Variants in RPS6KC1 observed in about 807,000 individuals in gnomAD.
RPS6KC1 encodes inactive ribosomal protein S6 kinase delta-1.
RPS6KC1 carries 54 observed loss-of-function variants against 103.8 expected under a neutral mutation model. That is an observed-to-expected ratio of 0.52 (90% confidence interval 0.42 to 0.65). The LOEUF (loss-of-function observed/expected upper bound fraction) is 0.65. Ranked by LOEUF, RPS6KC1 falls within the 30% of genes least tolerant of loss-of-function variation. RPS6KC1 has a pLI of 0.00. For synonymous variants in RPS6KC1, 439 were observed against 438.7 expected (o/e 1.00, Z -0.01); for missense variants, 1,151 against 1,253.8 (o/e 0.92, Z 1.24).
chr1:213,812,142 A>C, the RPS6KC1 span, among the ~76,000 whole-genome samples: 1 of 152,202 alleles, frequency 6.6e-6, no homozygotes, highest in African/African-American at 2.4e-5. Context: ...ACTCTCAAGA[A>C]ATTAAGAAAA....
chr1:213,620,225 A>G, the RPS6KC1 span, among the ~76,000 whole-genome samples: 1 of 152,256 alleles, frequency 6.6e-6, no homozygotes, highest in Non-Finnish European at 1.5e-5. Flanking sequence ...ATTATGGGTC[A>G]GAAATTTGGG....
At chr1:213,333,547 G>A in the RPS6KC1 span, among the ~76,000 whole-genome samples, 1 of 152,198 alleles carries the variant, frequency 6.6e-6, no homozygotes, top group Non-Finnish European at 1.5e-5. Flanking sequence ...CGTGCTTCAG[G>A]TATGGTGTAG....
chr1:213,211,664 A>G (rs2093510722), intron 8 of RPS6KC1, among the ~76,000 whole-genome samples: 1 of 152,234 alleles, frequency 6.6e-6, no homozygotes, highest in South Asian at 2.1e-4. Context: ...TGATAGGTTT[A>G]TTGTTCACTA....
the RPS6KC1 span, among the ~76,000 whole-genome samples, chr1:213,520,333 C>A: frequency 1.3e-5 from 2 of 152,170 alleles, no homozygotes; most frequent in South Asian, 2.1e-4. Context: ...AAGGGGAAAC[C>A]CCTTATAAAA....
the RPS6KC1 span, among the ~76,000 whole-genome samples, chr1:213,758,489 A>G: frequency 6.6e-5 from 10 of 152,120 alleles, no homozygotes; most frequent in African/African-American, 1.9e-4. Context: ...GAGGCAGGAG[A>G]ATCACTTGAA....
intron 12 of RPS6KC1, among the ~76,000 whole-genome samples, chr1:213,243,285 AT>A (rs56097039): frequency 0.94 from 141,832 of 150,182 alleles, 67,099 homozygotes; most frequent in East Asian, 1. Context: ...AATTAAAAAA[AT>A]TTTTTTTTTT....
chr1:213,369,708 T>C, the RPS6KC1 span, among the ~76,000 whole-genome samples: 2 of 152,242 alleles, frequency 1.3e-5, no homozygotes, highest in South Asian at 4.1e-4. Flanking sequence ...TTGCCAAATA[T>C]CTTCTCAGTT....
intron 12 of RPS6KC1, among the ~76,000 whole-genome samples, chr1:213,250,117 A>C (rs766064112): frequency 7.9e-5 from 12 of 152,316 alleles, no homozygotes; most frequent in Non-Finnish European, 1.6e-4. Flanking sequence ...TTACCTAAAA[A>C]CCAACTGAAT....
At chr1:213,401,195 C>G in the RPS6KC1 span, among the ~76,000 whole-genome samples, 10 of 152,188 alleles carry the variant, frequency 6.6e-5, no homozygotes, top group East Asian at 1.9e-3. Context: ...TGAGCATCCA[C>G]TACACAGAAG....
chr1:213,784,586 G>T, the RPS6KC1 span, among the ~76,000 whole-genome samples: 2 of 152,184 alleles, frequency 1.3e-5, no homozygotes, highest in East Asian at 3.9e-4. Flanking sequence ...GAGAACTTGA[G>T]TCACTTGCTG....
the RPS6KC1 span, among the ~76,000 whole-genome samples, chr1:213,376,991 T>A: frequency 6.6e-6 from 1 of 152,166 alleles, no homozygotes. Flanking sequence ...CTGACCACCT[T>A]GCACTGGGGA....
intron 1 of RPS6KC1, among the ~76,000 whole-genome samples, chr1:213,052,397 G>A (rs1213526792): frequency 6.6e-6 from 1 of 152,138 alleles, no homozygotes; most frequent in Non-Finnish European, 1.5e-5. Context: ...TAGCAGATCT[G>A]TCTGGGATCT....
At chr1:213,859,908 T>G in the RPS6KC1 span, among the ~76,000 whole-genome samples, 2 of 152,090 alleles carry the variant, frequency 1.3e-5, no homozygotes, top group Non-Finnish European at 2.9e-5. Context: ...CAAATACTTT[T>G]CAGAGATGCA....
chr1:213,824,206 G>A, the RPS6KC1 span, among the ~76,000 whole-genome samples: 2 of 152,202 alleles, frequency 1.3e-5, no homozygotes, highest in South Asian at 2.1e-4. Flanking sequence ...GACCAAGACA[G>A]TGACACAATA....
the RPS6KC1 span, among the ~76,000 whole-genome samples, chr1:213,517,783 T>C: frequency 2.6e-5 from 4 of 152,190 alleles, no homozygotes. Flanking sequence ...CTGGATATCC[T>C]TGTTAACTTT....
intron 6 of RPS6KC1, among the ~76,000 whole-genome samples, chr1:213,152,204 G>A (rs903389055): frequency 2.8e-5 from 4 of 143,482 alleles, no homozygotes. Context: ...CTCCCTCCTG[G>A]ACGGGGCGGC....
chr1:213,254,988 G>A (rs2094610305), intron 12 of RPS6KC1, among the ~76,000 whole-genome samples: 1 of 151,990 alleles, frequency 6.6e-6, no homozygotes, highest in African/African-American at 2.4e-5. Context: ...AAAAAAAAGT[G>A]GTAGAATTTA....
At chr1:213,502,162 T>C in the RPS6KC1 span, among the ~76,000 whole-genome samples, 1 of 152,220 alleles carries the variant, frequency 6.6e-6, no homozygotes, top group African/African-American at 2.4e-5. Context: ...TAATATCTTA[T>C]TGGCTGTAAT....
intron 3 of RPS6KC1, among the ~76,000 whole-genome samples, chr1:213,099,338 A>T (rs977399972): frequency 6.6e-6 from 1 of 152,194 alleles, no homozygotes; most frequent in Non-Finnish European, 1.5e-5. Context: ...AAGCATATAG[A>T]CAAGTTGAAA....
Sources: allele counts gnomAD v4.1 joint callset (sites outside exome capture counted in the v4.1 genomes callset), GRCh38; gene constraint gnomAD v4.1.1; transcripts MANE v1.5; gene names NCBI Gene and HGNC (gene_info 2026-07-23, HGNC 2026-07-21).